FGF12: variants seen among roughly 807,000 people sequenced by gnomAD.
FGF12 encodes fibroblast growth factor 12.
FGF12 carries 14 observed loss-of-function variants against 23.6 expected under a neutral mutation model. The observed-to-expected ratio is 0.59, with a 90% confidence interval of 0.39 to 0.93. FGF12 has a LOEUF of 0.93. Among genes scored for constraint, FGF12 ranks in the 40% least tolerant of loss-of-function variants. The probability of loss-of-function intolerance (pLI) is 0.00; values close to 1 mark genes in which losing one functional copy is unlikely to be tolerated. For missense variants in FGF12, 175 were observed against 217.8 expected (o/e 0.80, Z 1.24); for synonymous variants, 62 against 77.3 (o/e 0.80, Z 1.04).
chr3:192,650,696 AG>A (rs1716183796), intron 2 of FGF12, among the ~76,000 whole-genome samples: 1 of 152,204 alleles, frequency 6.6e-6, no homozygotes, highest in African/African-American at 2.4e-5. Context: ...GTTCCATAAA[AG>A]TTTCTGAATA....
rs1004565086 is a variant in FGF12 at position 192,155,606 on chromosome 3, A to G, written c.428-11479T>C. Among the ~76,000 whole-genome samples the G allele has an allele frequency of 1.3e-5, 2 of 152,256 alleles. 1 individual carries two copies. The highest frequency in any genetic ancestry group is 3.8e-4 in the East Asian group (2 of 5,200). On this transcript the variant is annotated intron_variant, in intron 5 of 5. Transcript: ENST00000445105. ...TGTCATTGCTTCTGGCCTTTTGGCT[A>G]TGAACAAGTATGGAGAATTACTAAT...
chr3:192,684,623 A>G (rs767493853), intron 2 of FGF12, among the ~76,000 whole-genome samples: 1 of 152,206 alleles, frequency 6.6e-6, no homozygotes, highest in East Asian at 1.9e-4. Flanking sequence ...TGAAAAGCAT[A>G]TAAGAATAGC....
Position 192,345,641 on chromosome 3 carries a change from C to G in FGF12, c.125-10177G>C, listed in dbSNP as rs1308738942. The stretch of plus-strand genomic sequence containing the variant: ...GGCGGAGCTTGCAGTGAGCCGAGAT[C>G]GCGCCACTGCACTCCAGCCTGGGCG... On this transcript the variant is annotated intron_variant, in intron 3 of 5. Transcript: ENST00000445105. Among the ~76,000 whole-genome samples, 2 of 41,622 alleles carry G rather than the reference C, an allele frequency of 4.8e-5. 1 individual carries two copies. The highest frequency in any genetic ancestry group is 7.0e-5 in the Non-Finnish European group (2 of 28,666). The allele number at this position is 41,622 out of a possible 152,430, so 27.3% of individuals were successfully genotyped here. A position where few individuals can be genotyped will look rare whatever the true frequency, so the allele number is the denominator to read the frequency against.
At chr3:192,206,900 T>C (rs1717678950) in intron 4 of FGF12, among the ~76,000 whole-genome samples, 2 of 152,130 alleles carry the variant, frequency 1.3e-5, no homozygotes, top group Non-Finnish European at 2.9e-5. Context: ...TCCTTCACAC[T>C]GACCTCAATA....
intron 4 of FGF12, among the ~76,000 whole-genome samples, chr3:192,236,254 T>G (rs1460128212): frequency 6.6e-6 from 1 of 152,036 alleles, no homozygotes; most frequent in Non-Finnish European, 1.5e-5. Context: ...TTTTTGAATT[T>G]ATAGAGAATT....
chr3:192,194,604 AAT>A (rs1318958385), intron 4 of FGF12, among the ~76,000 whole-genome samples: 2 of 152,130 alleles, frequency 1.3e-5, no homozygotes, highest in Non-Finnish European at 2.9e-5. Context: ...TACCTGGTGG[AAT>A]TTTTCTTTCT....
At chr3:192,513,144 C>T (rs1042480686) in intron 2 of FGF12, among the ~76,000 whole-genome samples, 1 of 151,824 alleles carries the variant, frequency 6.6e-6, no homozygotes, top group African/African-American at 2.4e-5. Flanking sequence ...GAGACATATA[C>T]CCAAGTTATG....
At chr3:192,501,468 C>A (rs2108833155) in intron 2 of FGF12, among the ~76,000 whole-genome samples, 1 of 152,304 alleles carries the variant, frequency 6.6e-6, no homozygotes, top group South Asian at 2.1e-4. Context: ...GCCATGAACT[C>A]TACTTCCAGT....
At chr3:192,322,503 GAC>G (rs3071843) in intron 4 of FGF12, among the ~76,000 whole-genome samples, 42,647 of 149,116 alleles carry the variant, frequency 0.29, 8,610 homozygotes, top group African/African-American at 0.57. Flanking sequence ...ACCACACGCA[GAC>G]ACACACACAC....
At chr3:192,160,488 G>A in intron 5 of FGF12, among the ~76,000 whole-genome samples, 1 of 152,228 alleles carries the variant, frequency 6.6e-6, no homozygotes, top group South Asian at 2.1e-4. Context: ...TCAGATTACT[G>A]TTCAAACATC....
intron 2 of FGF12, among the ~76,000 whole-genome samples, chr3:192,525,815 G>T (rs188555290): frequency 6.6e-6 from 1 of 151,842 alleles, no homozygotes; most frequent in South Asian, 2.1e-4. Flanking sequence ...TCACTCTGTC[G>T]CCAGGCTGGA....
intron 2 of FGF12, among the ~76,000 whole-genome samples, chr3:192,459,602 T>C (rs1463043513): frequency 6.6e-6 from 1 of 152,222 alleles, no homozygotes; most frequent in East Asian, 1.9e-4. Flanking sequence ...AAGGCATCAT[T>C]CTGCATGAGC....
chr3:192,680,570 C>T (rs565285346), intron 2 of FGF12, among the ~76,000 whole-genome samples: 2 of 152,106 alleles, frequency 1.3e-5, no homozygotes, highest in East Asian at 1.9e-4. Flanking sequence ...GAAAACTTTC[C>T]GCAATGAAAA....
In FGF12 at chr3:192,439,270, T is replaced by C. The variant is rs546901005; in HGVS notation, c.14-78732A>G. The stretch of plus-strand genomic sequence containing the variant: ...TCAACCTACATTCTGACACTATCAG[T>C]ATTCTTTATATAGATTTTAGAGCAT... On this transcript the variant is annotated intron_variant, in intron 2 of 5. Coordinates refer to ENST00000445105, the MANE Select transcript of FGF12 (RefSeq NM_004113.6). Among the ~76,000 whole-genome samples, 20 of 152,350 alleles carry C rather than the reference T, an allele frequency of 1.3e-4. No individual in the cohort carries two copies. In the South Asian group the frequency reaches 4.1e-3, roughly 32 times the overall value.
intron 2 of FGF12, among the ~76,000 whole-genome samples, chr3:192,398,545 G>A (rs993600628): frequency 2.6e-5 from 4 of 151,852 alleles, no homozygotes; most frequent in Admixed American, 1.3e-4. Context: ...CACCACGCCC[G>A]ACTAATTTTG....
chr3:192,460,228 T>C (rs1233525327), intron 2 of FGF12, among the ~76,000 whole-genome samples: 1 of 152,148 alleles, frequency 6.6e-6, no homozygotes, highest in Non-Finnish European at 1.5e-5. Context: ...TGCTCCAACC[T>C]TTTCTTCCTT....
chr3:192,259,880 T>C (rs1712636331), intron 4 of FGF12, among the ~76,000 whole-genome samples: 1 of 152,138 alleles, frequency 6.6e-6, no homozygotes, highest in South Asian at 2.1e-4. Context: ...CACCTAGGAT[T>C]AATGCCAGAA....
intron 2 of FGF12, among the ~76,000 whole-genome samples, chr3:192,697,241 TA>T (rs979655727): frequency 2.6e-5 from 4 of 152,198 alleles, no homozygotes; most frequent in Non-Finnish European, 4.4e-5. Flanking sequence ...ACAGCTCTCT[TA>T]AATGAAAGAT....
intron 2 of FGF12, among the ~76,000 whole-genome samples, chr3:192,707,953 A>ATTAT (rs542479948): frequency 0.018 from 2,656 of 151,384 alleles, 64 homozygotes; most frequent in Admixed American, 0.072. Context: ...CATTATTATT[A>ATTAT]TTATTTATTT....
Sources: allele counts gnomAD v4.1 joint callset (sites outside exome capture counted in the v4.1 genomes callset), GRCh38; gene constraint gnomAD v4.1.1; transcripts MANE v1.5; gene names NCBI Gene and HGNC (gene_info 2026-07-23, HGNC 2026-07-21).